PTCHD4: variants seen among roughly 807,000 people sequenced by gnomAD.
PTCHD4 encodes the protein patched domain containing 4.
A neutral mutation model predicts 58.1 loss-of-function variants in PTCHD4; 33 were observed. That is an observed-to-expected ratio of 0.57 (90% CI 0.43 to 0.76). PTCHD4 has a LOEUF of 0.76. Ranked by LOEUF, PTCHD4 falls within the 30% of genes least tolerant of loss-of-function variation. PTCHD4 has a pLI of 0.00. For missense variants in PTCHD4, 1,058 were observed against 1,027.1 expected (o/e 1.03, Z -0.41); for synonymous variants, 478 against 409.6 (o/e 1.17, Z -2.02).
intron 1 of PTCHD4, among the ~76,000 whole-genome samples, chr6:48,080,152 A>G (rs1024797362): frequency 2.0e-5 from 3 of 152,120 alleles, no homozygotes; most frequent in African/African-American, 7.2e-5. Flanking sequence ...GATGTTAGAT[A>G]AAAAACTCAG....
chr6:48,053,478 TG>T (rs1353647261), intron 3 of PTCHD4, among the ~76,000 whole-genome samples: 1 of 150,540 alleles, frequency 6.6e-6, no homozygotes, highest in African/African-American at 2.4e-5. Flanking sequence ...TAGTTTATCT[TG>T]ATGGAAATCA....
intron 4 of PTCHD4, among the ~76,000 whole-genome samples, chr6:47,993,554 T>C (rs1347873082): frequency 6.6e-6 from 1 of 152,172 alleles, no homozygotes; most frequent in East Asian, 1.9e-4. Context: ...AGGCAGAATA[T>C]GGCAGCAGAT....
intron 3 of PTCHD4, among the ~76,000 whole-genome samples, chr6:48,038,663 C>A (rs76467954): frequency 5.4e-3 from 651 of 119,898 alleles, no homozygotes; most frequent in Middle Eastern, 8.6e-3. Context: ...AAGTCTGTCT[C>A]AAAAAAAAAA....
At chr6:47,885,321 G>A (rs1159703798) in intron 4 of PTCHD4, among the ~76,000 whole-genome samples, 1 of 152,086 alleles carries the variant, frequency 6.6e-6, no homozygotes, top group African/African-American at 2.4e-5. Context: ...TGCTGATGGG[G>A]AGCTCTCTTT....
chr6:48,079,826 G>A (rs1210410452), intron 1 of PTCHD4, among the ~76,000 whole-genome samples: 1 of 151,900 alleles, frequency 6.6e-6, no homozygotes. Flanking sequence ...CCTAGGAGCT[G>A]AAACTGTGAT....
intron 3 of PTCHD4, among the ~76,000 whole-genome samples, chr6:48,030,898 A>G (rs1295653060): frequency 6.6e-6 from 1 of 152,122 alleles, no homozygotes; most frequent in Non-Finnish European, 1.5e-5. Context: ...TGTACCATCC[A>G]GCAAATATTC....
intron 4 of PTCHD4, among the ~76,000 whole-genome samples, chr6:47,977,650 T>C (rs1213367224): frequency 1.3e-5 from 2 of 152,214 alleles, no homozygotes; most frequent in Non-Finnish European, 2.9e-5. Flanking sequence ...GCTATTGTTT[T>C]ATGCAAGTAA....
chr6:48,004,884 TC>T (rs111515306), intron 4 of PTCHD4, among the ~76,000 whole-genome samples: 3 of 151,922 alleles, frequency 2.0e-5, no homozygotes, highest in African/African-American at 7.2e-5. Flanking sequence ...GCTACTGAAC[TC>T]CAGCCTGGGT....
chr6:47,904,844 C>T (rs376856679), intron 4 of PTCHD4, among the ~76,000 whole-genome samples: 1 of 152,002 alleles, frequency 6.6e-6, no homozygotes, highest in Non-Finnish European at 1.5e-5. Flanking sequence ...GCTCTAAATG[C>T]TATGAAGAAA....
At chr6:48,037,352 TGAC>T (rs779374432) in intron 3 of PTCHD4, among the ~76,000 whole-genome samples, 1 of 152,222 alleles carries the variant, frequency 6.6e-6, no homozygotes, top group Non-Finnish European at 1.5e-5. Context: ...TGGTACTGTC[TGAC>T]GTTTCATGCA....
intron 3 of PTCHD4, among the ~76,000 whole-genome samples, chr6:48,043,538 A>G (rs1446123374): frequency 6.6e-6 from 1 of 151,848 alleles, no homozygotes; most frequent in African/African-American, 2.4e-5. Context: ...CCCTTTCTGC[A>G]AATTTCTTTA....
chr6:47,860,916 TC>T lies in PTCHD4; in HGVS notation c.*17386del, dbSNP rs561836887. On this transcript the variant is annotated 3_prime_UTR_variant, in exon 5 of 5. Transcript: ENST00000339488. ...AAATAATTTTATATACTTTTAAAAA[TC>T]AGTTCTGTATCTAAGGTAGTATAGT... Among the ~76,000 whole-genome samples the T allele has an allele frequency of 6.6e-6, 1 of 152,148 alleles. No individual in the cohort carries two copies. The highest frequency in any genetic ancestry group is 2.1e-4 in the South Asian group (1 of 4,824).
At chr6:48,040,377 A>G (rs1426275230) in intron 3 of PTCHD4, among the ~76,000 whole-genome samples, 1 of 152,050 alleles carries the variant, frequency 6.6e-6, no homozygotes, top group Non-Finnish European at 1.5e-5. Context: ...AGCTACAGGA[A>G]GCATAGTCAC....
At chr6:48,015,409 T>C (rs144542204) in intron 3 of PTCHD4, among the ~76,000 whole-genome samples, 74 of 152,122 alleles carry the variant, frequency 4.9e-4, no homozygotes, top group Admixed American at 1.5e-3. Flanking sequence ...AAGGCCCTGC[T>C]TAGCCCATTT....
chr6:47,923,142 T>C (rs1267277663), intron 4 of PTCHD4, among the ~76,000 whole-genome samples: 1 of 152,188 alleles, frequency 6.6e-6, no homozygotes. Flanking sequence ...CTGACTCTTC[T>C]GTCAGTCATT....
At chr6:47,909,560 A>C (rs543998353) in intron 4 of PTCHD4, among the ~76,000 whole-genome samples, 2 of 152,044 alleles carry the variant, frequency 1.3e-5, no homozygotes, top group Non-Finnish European at 2.9e-5. Context: ...CGGTCCTTCT[A>C]TCTTGGCCTC....
intron 3 of PTCHD4, among the ~76,000 whole-genome samples, chr6:48,013,258 A>G (rs1762748645): frequency 6.6e-6 from 1 of 151,744 alleles, no homozygotes; most frequent in African/African-American, 2.4e-5. Context: ...ATTTCAGAAC[A>G]AGAAAGGAAT....
intron 3 of PTCHD4, among the ~76,000 whole-genome samples, chr6:48,036,380 G>C (rs751915092): frequency 1.3e-5 from 2 of 151,970 alleles, no homozygotes; most frequent in Admixed American, 1.3e-4. Flanking sequence ...AGTTTCCTGT[G>C]GTCAAGTATG....
At position 47,979,956 on chromosome 6, in the gene PTCHD4, C is replaced by T. The variant is rs115563473; in HGVS notation, c.898+28678G>A. Among the ~76,000 whole-genome samples the T allele has an allele frequency of 7.0e-3, 1,066 of 152,092 alleles. 14 individuals are homozygous for T. Among genetic ancestry groups the T allele is most frequent in the African/African-American group, 0.023 (956 of 41,506 alleles). ...CTGCTCTACTTGGAAAGCAATACTG[C>T]TTTTAAAAGCAACAATCTTATTTCT... On this transcript the variant is annotated intron_variant, in intron 4 of 4. Transcript: ENST00000339488.
Sources: allele counts gnomAD v4.1 joint callset (sites outside exome capture counted in the v4.1 genomes callset), GRCh38; gene constraint gnomAD v4.1.1; transcripts MANE v1.5; gene names NCBI Gene and HGNC (gene_info 2026-07-23, HGNC 2026-07-21).